Variants in NHSL1 observed in about 807,000 individuals in gnomAD.
The protein encoded by NHSL1 is NHS-like protein 1.
Under a neutral mutation model 95.0 loss-of-function variants are expected in NHSL1, and 48 were observed. The observed-to-expected ratio is 0.51, with a 90% CI of 0.40 to 0.64. NHSL1 has a LOEUF of 0.64. Among genes scored for constraint, NHSL1 ranks in the 30% least tolerant of loss-of-function variants. NHSL1 has a pLI of 0.00. For synonymous variants in NHSL1, 783 were observed against 833.9 expected, an observed-to-expected ratio of 0.94 and a Z score of 1.05; for missense variants, 1,971 against 2,077.7, an observed-to-expected ratio of 0.95 and a Z score of 1.00.
intron 1 of NHSL1, among the ~76,000 whole-genome samples, chr6:138,691,151 G>C (rs1785661656): frequency 6.6e-6 from 1 of 152,198 alleles, no homozygotes; most frequent in Non-Finnish European, 1.5e-5. Flanking sequence ...TATGCATGAA[G>C]TCATCACTCA....
intron 1 of NHSL1, among the ~76,000 whole-genome samples, chr6:138,593,622 T>C (rs555449981): frequency 2.6e-5 from 4 of 152,356 alleles, no homozygotes; most frequent in Admixed American, 2.6e-4. Context: ...CATTAGGAGA[T>C]GAAAAGTGAG....
rs189316466 is a variant in NHSL1, at chr6:138,425,194, G to C, written c.4086-378C>G. ...CAACCTCTGCCTCCCGGATTCAAGC[G>C]ATTCTCCCTGCCTCAGCCTCCCAAG... is the stretch of plus-strand genomic sequence containing the variant. On this transcript the variant is annotated intron_variant, in intron 7 of 7. Transcript: ENST00000343505. Among the ~76,000 whole-genome samples, 281 of 152,274 alleles carry C rather than the reference G, an allele frequency of 1.8e-3. 1 individual carries two copies. Among genetic ancestry groups the C allele is most frequent in the African/African-American group, 6.6e-3 (274 of 41,558 alleles).
Position 138,496,263 on chromosome 6 carries a change from T to A in NHSL1, c.167A>T (p.Asp56Val), listed in dbSNP as rs1317994965. ...GTTGAGCTTGGCTTGGCGGTGCAGGTCCTCAACACAGGGGGGTCTTGTGGT... is the reference window on the plus strand; with the variant it reads ...GTTGAGCTTGGCTTGGCGGTGCAGGACCTCAACACAGGGGGGTCTTGTGGT... ...LPTTRPPCVEDLHRQAKLNLK... is the reference protein window; with the variant it reads ...LPTTRPPCVEVLHRQAKLNLK... Residue 56 changes from aspartate to valine, a missense_variant, in exon 2 of 8, where the codon GAC (aspartate) becomes GTC (valine). Asp to Val is a radical substitution (Grantham distance 152, BLOSUM62 -3). Around this residue, in one of 3 missense-constraint regions of NHSL1, gnomAD observed 1,602 missense variants for 1,654.5 expected, o/e 0.97. Coordinates refer to ENST00000343505, the MANE Select transcript of NHSL1 (RefSeq NM_001144060.2). 5.8e-6 allele frequency: 9 copies of A among 1,550,958 alleles called. No individual in the cohort carries two copies. The highest frequency in any genetic ancestry group is 7.8e-6 in the Non-Finnish European group (9 of 1,146,824).
At chr6:138,612,755 T>C (rs767955244) in intron 1 of NHSL1, among the ~76,000 whole-genome samples, 5 of 152,240 alleles carry the variant, frequency 3.3e-5, no homozygotes, top group Non-Finnish European at 5.9e-5. Context: ...ACCTTTTATT[T>C]GTGAACTTTA....
At chr6:138,606,858 G>A (rs923993503) in intron 1 of NHSL1, among the ~76,000 whole-genome samples, 13 of 151,582 alleles carry the variant, frequency 8.6e-5, no homozygotes, top group Admixed American at 2.0e-4. Context: ...ACCCGCCACC[G>A]CACCTGGCTA....
chr6:138,501,660 T>G (rs1780687735), upstream of NHSL1, among the ~76,000 whole-genome samples: 1 of 152,210 alleles, frequency 6.6e-6, no homozygotes, highest in South Asian at 2.1e-4. Flanking sequence ...AAATGAACTG[T>G]AGGAAGAATC....
upstream of NHSL1, among the ~76,000 whole-genome samples, chr6:138,573,303 C>T (rs141900013): frequency 7.2e-3 from 1,089 of 152,288 alleles, 12 homozygotes; most frequent in African/African-American, 0.025. Flanking sequence ...TTAAAAGTCC[C>T]TGCAACTTTC....
At chr6:138,679,995 T>C (rs1381507991) in intron 1 of NHSL1, among the ~76,000 whole-genome samples, 3 of 152,214 alleles carry the variant, frequency 2.0e-5, no homozygotes, top group African/African-American at 7.2e-5. Flanking sequence ...ATGATTTTTT[T>C]CTTCATTATA....
intron 1 of NHSL1, among the ~76,000 whole-genome samples, chr6:138,658,548 T>A (rs1583469185): frequency 6.6e-6 from 1 of 152,236 alleles, no homozygotes; most frequent in Non-Finnish European, 1.5e-5. Context: ...CTGGATAATA[T>A]TCCATTGTAA....
intron 1 of NHSL1, among the ~76,000 whole-genome samples, chr6:138,601,090 T>C (rs1784364348): frequency 6.6e-6 from 1 of 152,204 alleles, no homozygotes; most frequent in South Asian, 2.1e-4. Context: ...AAATAGAATC[T>C]GGATTAACTG....
At chr6:138,449,425 C>T (rs887920977) in intron 3 of NHSL1, among the ~76,000 whole-genome samples, 7 of 151,998 alleles carry the variant, frequency 4.6e-5, no homozygotes, top group African/African-American at 1.5e-4. Flanking sequence ...GCCTGTAATC[C>T]CAGCATTTTG....
chr6:138,508,981 G>C (rs1037654958), intron 1 of NHSL1, among the ~76,000 whole-genome samples: 1 of 152,100 alleles, frequency 6.6e-6, no homozygotes, highest in Non-Finnish European at 1.5e-5. Flanking sequence ...GGCTATACTA[G>C]GTATATAAAG....
chr6:138,546,756 G>A (rs1008960478), upstream of NHSL1, among the ~76,000 whole-genome samples: 9 of 152,224 alleles, frequency 5.9e-5, no homozygotes, highest in African/African-American at 1.9e-4. Context: ...TAACTGTACT[G>A]TGGCTGTGAT....
intron 1 of NHSL1, among the ~76,000 whole-genome samples, chr6:138,504,648 T>C (rs1444273022): frequency 6.6e-6 from 1 of 151,576 alleles, no homozygotes; most frequent in Non-Finnish European, 1.5e-5. Context: ...CGTGGGTGAG[T>C]GGTAGGTGGT....
intron 1 of NHSL1, among the ~76,000 whole-genome samples, chr6:138,627,615 G>A (rs1784759629): frequency 1.3e-5 from 2 of 152,178 alleles, no homozygotes; most frequent in South Asian, 4.1e-4. Context: ...CAGTCGCGGT[G>A]GCTCACGCCT....
intron 2 of NHSL1, among the ~76,000 whole-genome samples, chr6:138,493,209 C>T (rs964785460): frequency 5.9e-5 from 9 of 152,264 alleles, no homozygotes; most frequent in Non-Finnish European, 1.0e-4. Context: ...AAATCTCTTA[C>T]GAAGTTTTTA....
chr6:138,621,259 C>T (rs1363009914), intron 1 of NHSL1, among the ~76,000 whole-genome samples: 1 of 152,210 alleles, frequency 6.6e-6, no homozygotes, highest in Non-Finnish European at 1.5e-5. Flanking sequence ...AAGTATGCTT[C>T]ATTCATTATC....
At chr6:138,608,604 T>C (rs773082788) in intron 1 of NHSL1, among the ~76,000 whole-genome samples, 36 of 152,360 alleles carry the variant, frequency 2.4e-4, no homozygotes, top group Non-Finnish European at 3.8e-4. Context: ...TTATCCATAC[T>C]GAAAATTTTA....
upstream of NHSL1, among the ~76,000 whole-genome samples, chr6:138,692,902 G>A (rs1211743670): frequency 1.3e-5 from 2 of 150,910 alleles, no homozygotes; most frequent in Non-Finnish European, 3.0e-5. The surrounding 1 kb of genome is among the most constrained non-coding windows in gnomAD (Gnocchi z 4.0). Flanking sequence ...GCCCGCAGGG[G>A]AGAGGCCGGG....
Sources: gnomAD v4.1 joint callset for allele counts (sites outside exome capture counted in the v4.1 genomes callset) on GRCh38, gnomAD v4.1.1 for gene constraint, gnomAD v4.1.1 regional missense constraint, Gnocchi (gnomAD v3.1) non-coding constraint, MANE v1.5 for transcripts, NCBI Gene and HGNC (gene_info 2026-07-23, HGNC 2026-07-21) for gene names.